Variants in PKD1L1 observed in about 807,000 individuals in gnomAD.
The protein encoded by PKD1L1 is polycystin-1-like protein 1.
PKD1L1 carries 236 observed loss-of-function variants against 323.4 expected under a neutral mutation model. The ratio of observed to expected loss-of-function variants is 0.73; its 90% CI spans 0.66 to 0.81. PKD1L1 has a LOEUF of 0.81. PKD1L1 is among the 40% of genes least tolerant of loss of function. PKD1L1 has a pLI of 0.00. For missense variants in PKD1L1, 3,320 were observed against 3,508.0 expected (o/e 0.95, Z 1.35); for synonymous variants, 1,344 against 1,335.0 (o/e 1.01, Z -0.15).
intron 20 of PKD1L1, among the ~76,000 whole-genome samples, chr7:47,881,699 C>T (rs1299459616): frequency 2.0e-5 from 3 of 152,206 alleles, no homozygotes; most frequent in Admixed American, 2.0e-4. Flanking sequence ...GGTCTACACA[C>T]ATGGATCTCC....
chr7:47,833,631 TG>T (rs1785395243), intron 40 of PKD1L1, among the ~76,000 whole-genome samples: 1 of 152,044 alleles, frequency 6.6e-6, no homozygotes, highest in South Asian at 2.1e-4. Flanking sequence ...GTTTGGGGTA[TG>T]GGGGGCACAC....
At chr7:47,869,827 T>C (rs1359672891) in intron 24 of PKD1L1, among the ~76,000 whole-genome samples, 3 of 152,154 alleles carry the variant, frequency 2.0e-5, no homozygotes, top group East Asian at 1.9e-4. Context: ...GAATACACCA[T>C]ATAGTAGGCC....
chr7:47,929,716 C>T (rs1386851079), intron 6 of PKD1L1, among the ~76,000 whole-genome samples, 190 bp from the exon 7 acceptor site: 1 of 152,136 alleles, frequency 6.6e-6, no homozygotes, highest in Non-Finnish European at 1.5e-5. Context: ...CACCTGGGCG[C>T]TTGTGAGACA....
intron 46 of PKD1L1, among the ~76,000 whole-genome samples, chr7:47,817,416 G>C (rs1215000292): frequency 6.6e-6 from 1 of 152,108 alleles, no homozygotes; most frequent in Non-Finnish European, 1.5e-5. Flanking sequence ...AGCAGATTTT[G>C]CAGATAATTT....
chr7:47,900,402 C>A (rs1787059965), intron 13 of PKD1L1, among the ~76,000 whole-genome samples: 1 of 152,154 alleles, frequency 6.6e-6, no homozygotes, highest in Admixed American at 6.6e-5. Flanking sequence ...ACTTGCAGAA[C>A]AATGTACAGA....
chr7:47,847,355 C>G (rs1785687403), intron 31 of PKD1L1, among the ~76,000 whole-genome samples: 1 of 152,188 alleles, frequency 6.6e-6, no homozygotes, highest in Non-Finnish European at 1.5e-5. Context: ...CAAGTGCCCC[C>G]TGACACCCTG....
chr7:47,799,587 G>A (rs575982729), intron 54 of PKD1L1, among the ~76,000 whole-genome samples: 16 of 152,324 alleles, frequency 1.1e-4, no homozygotes, highest in African/African-American at 3.8e-4. Context: ...GACAATGGGT[G>A]CAATGAGGAG....
In PKD1L1 at chr7:47,931,966, G is replaced by C. The variant is rs146255975; in HGVS notation, c.489C>G (p.Thr163=). ...FHHRRLCATG[T]ADSTFSALLQ... ...GAAGAGCAGAGAATGTGCTGTCTGC[G>C]GTCCCAGTAGCACACAGCCGCCTGT... The change falls in exon 5 of 57, where the codon ACC becomes ACG. Residue 163 remains threonine (T), a synonymous_variant. Coordinates refer to ENST00000289672, the MANE Select transcript of PKD1L1 (RefSeq NM_138295.5). The C allele has an allele frequency of 5.0e-4, 808 of 1,613,808 alleles. 6 individuals are homozygous for C. In the African/African-American group the frequency reaches 9.5e-3, roughly 19 times the overall value.
At chr7:47,832,946 G>T in intron 41 of PKD1L1, 144 bp downstream of exon 41, 1 of 1,103,666 alleles carries the variant, frequency 9.1e-7, no homozygotes, top group South Asian at 1.8e-5. Context: ...TCAGTTTTGG[G>T]TGGGCCCATG....
chr7:47,809,921 A>G (rs1003079220), intron 50 of PKD1L1, among the ~76,000 whole-genome samples: 5 of 152,352 alleles, frequency 3.3e-5, no homozygotes, highest in African/African-American at 1.2e-4. Context: ...ACTGCTCAAA[A>G]GAGTGAGTTT....
At chr7:47,861,992 C>T (rs540264815) in intron 26 of PKD1L1, among the ~76,000 whole-genome samples, 7 of 150,338 alleles carry the variant, frequency 4.7e-5, no homozygotes, top group South Asian at 2.1e-4. Flanking sequence ...GTCAGGAGTT[C>T]GAGACCAGCC....
At chr7:47,935,900 C>A (rs556994208) in intron 4 of PKD1L1, among the ~76,000 whole-genome samples, 2 of 152,300 alleles carry the variant, frequency 1.3e-5, no homozygotes, top group African/African-American at 4.8e-5. Flanking sequence ...TGCCTTTGAA[C>A]AATAACATGA....
chr7:47,935,039 C>T (rs897793120), intron 4 of PKD1L1, among the ~76,000 whole-genome samples: 2 of 152,200 alleles, frequency 1.3e-5, no homozygotes, highest in African/African-American at 4.8e-5. Context: ...TGTGTATTCA[C>T]AGGCCCTGCC....
intron 56 of PKD1L1, among the ~76,000 whole-genome samples, chr7:47,788,263 C>A (rs1786856471): frequency 6.6e-6 from 1 of 150,770 alleles, no homozygotes; most frequent in Non-Finnish European, 1.5e-5. Context: ...TTAATATATT[C>A]TTTTTTTATT....
chr7:47,845,458 C>A (rs1392196726), intron 32 of PKD1L1, among the ~76,000 whole-genome samples: 7 of 152,230 alleles, frequency 4.6e-5, no homozygotes, highest in Non-Finnish European at 1.0e-4. Flanking sequence ...TGCCTAAGCA[C>A]CAGTTCCTGG....
chr7:47,912,101 G>GA (rs1326467044), intron 8 of PKD1L1, among the ~76,000 whole-genome samples: 1 of 152,084 alleles, frequency 6.6e-6, no homozygotes, highest in African/African-American at 2.4e-5. Flanking sequence ...TAATTTATCA[G>GA]AAAAACACTG....
At chr7:47,870,979 A>G (rs1389187184) in intron 24 of PKD1L1, among the ~76,000 whole-genome samples, 1 of 133,672 alleles carries the variant, frequency 7.5e-6, no homozygotes, top group Non-Finnish European at 1.6e-5. Context: ...TCTCAAAAAA[A>G]AAAAGAAAAA....
At position 47,898,259 on chromosome 7, in the gene PKD1L1, A is replaced by G. The variant is rs566533584; in HGVS notation, c.2065-65T>C. ...ATCACATCTAATGTACTGGTAAATT[A>G]CTAGAAACTTAGTCTTAACTGTAGA... On this transcript the variant is annotated intron_variant, in intron 13 of 56. Coordinates refer to ENST00000289672, the MANE Select transcript of PKD1L1 (RefSeq NM_138295.5). The G allele has an allele frequency of 2.2e-5, 29 of 1,343,758 alleles. No individual in the cohort carries two copies. In the African/African-American group the frequency reaches 4.2e-4, roughly 19 times the overall value. 83.2% of individuals were successfully genotyped at this position (1,343,758 alleles called of 1,614,324 possible).
At chr7:47,905,666 T>C (rs1255892625) in intron 10 of PKD1L1, among the ~76,000 whole-genome samples, 177 bp downstream of exon 10, 3 of 152,238 alleles carry the variant, frequency 2.0e-5, no homozygotes, top group African/African-American at 7.2e-5. Flanking sequence ...CCTTAATGCC[T>C]GTGGTTTCAG....
Sources: gnomAD v4.1 joint callset for allele counts (sites outside exome capture counted in the v4.1 genomes callset) on GRCh38, gnomAD v4.1.1 for gene constraint, MANE v1.5 for transcripts, NCBI Gene and HGNC (gene_info 2026-07-23, HGNC 2026-07-21) for gene names.